ATP2B1: variants seen among roughly 807,000 people sequenced by gnomAD.
ATP2B1 encodes the protein ATPase plasma membrane Ca2+ transporting 1, also known as plasma membrane calcium-transporting ATPase 1.
ATP2B1 carries 14 observed loss-of-function variants against 124.2 expected under a neutral mutation model. The observed-to-expected ratio is 0.11, with a 90% CI of 0.07 to 0.18. The LOEUF (loss-of-function observed/expected upper bound fraction) is 0.18, where lower values mean the gene tolerates loss of function less well. Among genes scored for constraint, ATP2B1 ranks in the 10% least tolerant of loss-of-function variants. ATP2B1 has a pLI of 1.00. For synonymous variants in ATP2B1, 449 were observed against 492.4 expected, an observed-to-expected ratio of 0.91 and a Z score of 1.17; for missense variants, 763 against 1,466.1, an observed-to-expected ratio of 0.52 and a Z score of 7.83.
intron 1 of ATP2B1, among the ~76,000 whole-genome samples, chr12:89,657,214 A>T (rs1886065310): frequency 6.6e-6 from 1 of 152,146 alleles, no homozygotes. Flanking sequence ...TACTAAGTTA[A>T]TTCTACCTTT....
chr12:89,600,570 T>C (rs1875596159), intron 19 of ATP2B1, among the ~76,000 whole-genome samples: 1 of 152,158 alleles, frequency 6.6e-6, no homozygotes, highest in Admixed American at 6.6e-5. Flanking sequence ...GGTAACATTA[T>C]TTTTATAAAA....
chr12:89,659,277 C>A (rs1886377389), intron 1 of ATP2B1, among the ~76,000 whole-genome samples: 1 of 151,940 alleles, frequency 6.6e-6, no homozygotes, highest in African/African-American at 2.4e-5. Context: ...CACATGTAGG[C>A]CTCCTGGCTT....
intron 1 of ATP2B1, among the ~76,000 whole-genome samples, chr12:89,689,405 T>G (rs1022226419): frequency 6.6e-6 from 1 of 152,136 alleles, no homozygotes; most frequent in African/African-American, 2.4e-5. Context: ...TTAAACTTTC[T>G]TTGATTCAGA....
At chr12:89,645,315 T>C (rs1467780163) in intron 2 of ATP2B1, among the ~76,000 whole-genome samples, 1 of 152,226 alleles carries the variant, frequency 6.6e-6, no homozygotes, top group Admixed American at 6.5e-5. Context: ...AATCTAAATA[T>C]AATAAAACGA....
At chr12:89,612,270 C>A (rs1348731112) in intron 12 of ATP2B1, 1 of 152,052 alleles carries the variant, frequency 6.6e-6, no homozygotes. Context: ...CAGTATAACA[C>A]AATCAGTGTT....
intron 1 of ATP2B1, among the ~76,000 whole-genome samples, chr12:89,660,666 C>T (rs372807887): frequency 2.6e-5 from 4 of 152,140 alleles, no homozygotes; most frequent in East Asian, 1.9e-4. Context: ...AAAAACAGTA[C>T]ACATCTTATT....
At chr12:89,598,467 T>G (rs1409775125) in intron 20 of ATP2B1, 1 of 1,178,350 alleles carries the variant, frequency 8.5e-7, no homozygotes, top group African/African-American at 1.6e-5. Context: ...CAATCCACTT[T>G]ACGAAAAGAA....
intron 1 of ATP2B1, among the ~76,000 whole-genome samples, chr12:89,685,333 A>G (rs907889517): frequency 2.0e-5 from 3 of 152,150 alleles, no homozygotes; most frequent in Admixed American, 1.3e-4. Context: ...AACGAAATCA[A>G]TGTTTCACCA....
chr12:89,667,513 C>G (rs1887456487), intron 1 of ATP2B1, among the ~76,000 whole-genome samples: 1 of 152,172 alleles, frequency 6.6e-6, no homozygotes, highest in South Asian at 2.1e-4. Context: ...ACATTTCTAT[C>G]TGAGTATCTT....
At chr12:89,593,320 C>T (rs772150843) in intron 20 of ATP2B1, 2 of 151,842 alleles carry the variant, frequency 1.3e-5, no homozygotes, top group Admixed American at 1.3e-4. Flanking sequence ...ATCAGCAGCC[C>T]GTAGGCACGG....
At chr12:89,643,091 CATATAT>C (rs1555201614) in intron 2 of ATP2B1, among the ~76,000 whole-genome samples, 21 of 146,724 alleles carry the variant, frequency 1.4e-4, no homozygotes, top group Non-Finnish European at 2.2e-4. Context: ...CACACACACA[CATATAT>C]ACATACGTAT....
rs117306837 is a variant in ATP2B1 at position 89,657,137 on chromosome 12, T to G, written c.-221-1030A>C. 3.6e-3 allele frequency among the ~76,000 whole-genome samples: 555 copies of G among 152,312 alleles called. 13 individuals carry two copies. The East Asian group carries it at 0.07, about 19-fold the overall frequency. The stretch of plus-strand genomic sequence containing the variant: ...CATTAAATAGCTCTGCCACCACCAT[T>G]ATCCTTACCACCTCGGCTAGGAATC... On this transcript the variant is annotated intron_variant, in intron 1 of 20. Coordinates refer to ENST00000428670, the MANE Select transcript of ATP2B1 (RefSeq NM_001366521.1).
intron 1 of ATP2B1, among the ~76,000 whole-genome samples, chr12:89,681,525 C>T (rs181171103): frequency 5.3e-5 from 8 of 152,014 alleles, no homozygotes; most frequent in Admixed American, 2.6e-4. Flanking sequence ...GGATTACAGA[C>T]GTGTACCACC....
At chr12:89,667,445 C>T (rs1887448472) in intron 1 of ATP2B1, among the ~76,000 whole-genome samples, 1 of 152,178 alleles carries the variant, frequency 6.6e-6, no homozygotes, top group African/African-American at 2.4e-5. Context: ...CAACTCATAC[C>T]ATATTATGGC....
At chr12:89,700,603 A>G (rs1276690999) in intron 1 of ATP2B1, among the ~76,000 whole-genome samples, 14 of 152,220 alleles carry the variant, frequency 9.2e-5, no homozygotes. Flanking sequence ...ATCATCCATG[A>G]GTGTCCCAGT....
intron 1 of ATP2B1, among the ~76,000 whole-genome samples, chr12:89,672,139 G>C (rs992292378): frequency 2.0e-5 from 3 of 152,090 alleles, no homozygotes; most frequent in Non-Finnish European, 2.9e-5. Flanking sequence ...TATCTCCCTT[G>C]GTTTCATTTT....
intron 3 of ATP2B1, 52 bp downstream of exon 3, chr12:89,642,106 T>C: frequency 6.6e-7 from 1 of 1,516,886 alleles, no homozygotes; most frequent in Non-Finnish European, 9.1e-7. Flanking sequence ...ATTAACTAAA[T>C]GAATTAGCTG....
At chr12:89,647,254 C>A (rs1470997171) in intron 2 of ATP2B1, among the ~76,000 whole-genome samples, 2 of 152,104 alleles carry the variant, frequency 1.3e-5, no homozygotes, top group African/African-American at 4.8e-5. Flanking sequence ...GTTAACTTCA[C>A]AAAGAGAAAA....
At chr12:89,639,668 G>C (rs368432982) in intron 3 of ATP2B1, among the ~76,000 whole-genome samples, 1 of 151,710 alleles carries the variant, frequency 6.6e-6, no homozygotes, top group Non-Finnish European at 1.5e-5. Context: ...AGAACTTCTA[G>C]TGAACTCTGA....
Sources: allele counts gnomAD v4.1 joint callset (sites outside exome capture counted in the v4.1 genomes callset), GRCh38; gene constraint gnomAD v4.1.1; transcripts MANE v1.5; gene names NCBI Gene and HGNC (gene_info 2026-07-23, HGNC 2026-07-21).